The following CASQ2 variants were observed in gnomAD, a reference collection of about 807,000 sequenced individuals.
CASQ2 encodes the protein calsequestrin-2.
CASQ2 carries 49 observed loss-of-function variants against 46.5 expected under a neutral mutation model. The ratio of observed to expected loss-of-function variants is 1.05; its 90% CI spans 0.84 to 1.34. CASQ2 has a LOEUF of 1.34. CASQ2 is among the 40% of genes most tolerant of loss of function. The probability of loss-of-function intolerance (pLI) is 0.00; values close to 1 mark genes in which losing one functional copy is unlikely to be tolerated. For synonymous variants in CASQ2, 174 were observed against 168.5 expected, an observed-to-expected ratio of 1.03 and a Z score of -0.25; for missense variants, 486 against 481.3, an observed-to-expected ratio of 1.01 and a Z score of -0.09.
chr1:115,761,967 C>G (rs1245735447), intron 1 of CASQ2, among the ~76,000 whole-genome samples: 1 of 152,212 alleles, frequency 6.6e-6, no homozygotes, highest in Admixed American at 6.5e-5. Context: ...ATCCCCTGGA[C>G]AGGCACTGTG....
intron 8 of CASQ2, among the ~76,000 whole-genome samples, chr1:115,709,018 C>G (rs759777681): frequency 7.2e-5 from 11 of 152,216 alleles, no homozygotes; most frequent in Non-Finnish European, 1.0e-4. Flanking sequence ...AAGGCATTAG[C>G]TTGTGTGGAT....
intron 1 of CASQ2, among the ~76,000 whole-genome samples, chr1:115,748,986 T>A (rs1342032152): frequency 6.6e-6 from 1 of 152,164 alleles, no homozygotes; most frequent in East Asian, 1.9e-4. Context: ...CTCAGGAATC[T>A]ACGTTTTTAT....
At chr1:115,721,124 G>C (rs1315805696) in intron 7 of CASQ2, among the ~76,000 whole-genome samples, 1 of 152,204 alleles carries the variant, frequency 6.6e-6, no homozygotes, top group African/African-American at 2.4e-5. Context: ...CTAGATGCTT[G>C]TCTGGGGGTC....
In CASQ2 at chr1:115,718,163, C is replaced by T. The variant is rs555574016; in HGVS notation, c.784-269G>A. 3.3e-5 allele frequency among the ~76,000 whole-genome samples: 5 copies of T among 152,304 alleles called. No individual in the cohort carries two copies. The East Asian group carries it at 5.8e-4, about 18-fold the overall frequency. ...AGGAAAATACCAACCACACGCAAGA[C>T]ATTAGCACTAAATGAGCCTCACTCC... On this transcript the variant is annotated intron_variant, in intron 7 of 10. Transcript: ENST00000261448.
At position 115,747,459 on chromosome 1, in the gene CASQ2, G is replaced by C. The variant is rs530502955; in HGVS notation, c.235-2547C>G. ...TTTCTAAATTGCTTTAACTATCCTA[G>C]TCCTTTAGCATTTTTGTATAAACTT... On this transcript the variant is annotated intron_variant, in intron 1 of 10. Transcript: ENST00000261448. Among the ~76,000 whole-genome samples, 68 of 152,004 alleles carry C rather than the reference G, an allele frequency of 4.5e-4. No homozygotes were observed. In the South Asian group the frequency reaches 0.012, roughly 28 times the overall value.
intron 8 of CASQ2, among the ~76,000 whole-genome samples, chr1:115,714,335 G>C (rs761897065): frequency 6.6e-6 from 1 of 152,210 alleles, no homozygotes; most frequent in African/African-American, 2.4e-5. Context: ...CTTAGGTATA[G>C]TGAGTGATTT....
At chr1:115,727,598 G>A (rs1447520948) in intron 5 of CASQ2, among the ~76,000 whole-genome samples, 1 of 152,210 alleles carries the variant, frequency 6.6e-6, no homozygotes, top group South Asian at 2.1e-4. Context: ...TCTTTGATCT[G>A]CTCATAGCCC....
At chr1:115,718,497 T>C (rs952034319) in intron 7 of CASQ2, among the ~76,000 whole-genome samples, 1 of 152,170 alleles carries the variant, frequency 6.6e-6, no homozygotes, top group African/African-American at 2.4e-5. Context: ...GGGTTGTGCT[T>C]CCCTGTTAGG....
intron 1 of CASQ2, among the ~76,000 whole-genome samples, chr1:115,764,170 T>C (rs1649053612): frequency 6.6e-6 from 1 of 152,204 alleles, no homozygotes; most frequent in East Asian, 1.9e-4. Context: ...GAAATGTTCA[T>C]TAAAACAACA....
Position 115,738,263 on chromosome 1 carries a change from T to G in CASQ2, c.493A>C (p.Ile165Leu), listed in dbSNP as rs1195549203. 1 of 1,613,534 alleles carries G rather than the reference T, an allele frequency of 6.2e-7. No individual in the cohort carries two copies. Among genetic ancestry groups the G allele is most frequent in the African/African-American group, 1.3e-5 (1 of 75,056 alleles). ...CTCTTGAAAAAGCCAATGAGTTTGA[T>G]GTAGTCTTCAATGCGTTCGAAGGCT... ...VQAFERIEDY[I>L]KLIGFFKSED... The change falls in exon 4 of 11, where the codon ATC becomes CTC. Residue 165 changes from isoleucine (I) to leucine (L), a missense_variant. By Grantham distance (5) the Ile-to-Leu change is conservative. Transcript: ENST00000261448.
chr1:115,717,958 G>T, intron 7 of CASQ2, 64 bp from the exon 8 acceptor site: 3 of 1,115,662 alleles, frequency 2.7e-6, no homozygotes, highest in Non-Finnish European at 4.1e-6. Flanking sequence ...CTGAGCCAGG[G>T]ACAGGGACTC....
chr1:115,721,392 C>T (rs1158754518), intron 7 of CASQ2, among the ~76,000 whole-genome samples: 1 of 152,000 alleles, frequency 6.6e-6, no homozygotes, highest in East Asian at 1.9e-4. Context: ...TACCAGGCAC[C>T]AGTTTCTTTA....
rs1338492317 is a variant in CASQ2 at position 115,768,442 on chromosome 1, C to T, written c.100G>A (p.Val34Met). ...AAGTTCTTCTCGGAAAGACTTACCA[C>T]TCGGTCCTTCCCATCATATGTGGGG... ...NFPTYDGKDR[V>M]VSLSEKNFKQ... is the part of the protein sequence containing the mutation. The change falls in exon 1 of 11, where the codon GTG (valine) becomes ATG (methionine). Residue 34 changes from valine to methionine, a missense_variant. Physicochemically the swap from Val to Met is conservative, Grantham distance 21. Transcript: ENST00000261448. 1.2e-6 allele frequency: 2 copies of T among 1,613,436 alleles called. No individual in the cohort carries two copies. The highest frequency in any genetic ancestry group is 2.2e-5 in the East Asian group (1 of 44,876).
At chr1:115,744,150 AAAAAAAAG>A (rs931195928) in intron 2 of CASQ2, among the ~76,000 whole-genome samples, 5 of 151,878 alleles carry the variant, frequency 3.3e-5, no homozygotes, top group African/African-American at 9.7e-5. Flanking sequence ...TCAAAAAAAA[AAAAAAAAG>A]AAAAAAAGAA....
intron 1 of CASQ2, among the ~76,000 whole-genome samples, chr1:115,759,575 A>G (rs1321341864): frequency 6.6e-6 from 1 of 152,248 alleles, no homozygotes; most frequent in African/African-American, 2.4e-5. Flanking sequence ...CTTTTTATAG[A>G]TGACCCAGCC....
intron 5 of CASQ2, among the ~76,000 whole-genome samples, chr1:115,729,988 C>G (rs1292771617): frequency 6.6e-6 from 1 of 152,190 alleles, no homozygotes; most frequent in Non-Finnish European, 1.5e-5. Flanking sequence ...TGAGGTGCAG[C>G]AGAGTGGAAC....
At chr1:115,714,741 A>G (rs1490898332) in intron 8 of CASQ2, among the ~76,000 whole-genome samples, 1 of 152,220 alleles carries the variant, frequency 6.6e-6, no homozygotes. Context: ...TTCACAGACA[A>G]GTCTTTCCCT....
chr1:115,762,926 T>C (rs1649012498), intron 1 of CASQ2, among the ~76,000 whole-genome samples: 1 of 152,160 alleles, frequency 6.6e-6, no homozygotes, highest in African/African-American at 2.4e-5. Flanking sequence ...GAACTCACAA[T>C]GTGGAGGCCA....
In CASQ2 at chr1:115,716,540, C is replaced by T. The variant is rs142427147; in HGVS notation, c.838+1300G>A. 1.4e-4 allele frequency among the ~76,000 whole-genome samples: 21 copies of T among 152,250 alleles called. No homozygotes were observed. The South Asian group carries it at 1.4e-3, about 11-fold the overall frequency. ...CTTTTAATGTGAACAGAAGTTCACA[C>T]GTGCACACACACACAAGCACACACA... On this transcript the variant is annotated intron_variant, in intron 8 of 10. Transcript: ENST00000261448.
Sources: gnomAD v4.1 joint callset for allele counts (sites outside exome capture counted in the v4.1 genomes callset) on GRCh38, gnomAD v4.1.1 for gene constraint, MANE v1.5 for transcripts, NCBI Gene and HGNC (gene_info 2026-07-23, HGNC 2026-07-21) for gene names.